Variants in KCNH1 observed in about 807,000 individuals in gnomAD.
The protein encoded by KCNH1 is voltage-gated delayed rectifier potassium channel KCNH1.
KCNH1 carries 27 observed loss-of-function variants against 69.2 expected under a neutral mutation model. That is an observed-to-expected ratio of 0.39 (90% CI 0.29 to 0.54). The LOEUF is 0.54. Among genes scored for constraint, KCNH1 ranks in the 20% least tolerant of loss-of-function variants. KCNH1 has a pLI of 0.68. For synonymous variants in KCNH1, 456 were observed against 487.7 expected (o/e 0.93, Z 0.86); for missense variants, 798 against 1,261.6 (o/e 0.63, Z 5.57).
intron 5 of KCNH1, among the ~76,000 whole-genome samples, chr1:211,041,573 A>G (rs1205232843): frequency 1.3e-5 from 2 of 152,162 alleles, no homozygotes; most frequent in African/African-American, 4.8e-5. Context: ...TTCACATATC[A>G]TACATCAACT....
At chr1:210,684,444 C>T (rs1681363417) in intron 10 of KCNH1, among the ~76,000 whole-genome samples, 1 of 152,220 alleles carries the variant, frequency 6.6e-6, no homozygotes, top group East Asian at 1.9e-4. Context: ...ATCCAAAGAG[C>T]ATCTTCCCAG....
intron 1 of KCNH1, among the ~76,000 whole-genome samples, chr1:211,117,950 G>A (rs1691612240): frequency 6.6e-6 from 1 of 152,128 alleles, no homozygotes; most frequent in African/African-American, 2.4e-5. Context: ...TCTAAATGCT[G>A]GACTCTGTGC....
chr1:210,806,814 A>T (rs1329448667), intron 7 of KCNH1, among the ~76,000 whole-genome samples: 1,113 of 6,010 alleles, frequency 0.19, 86 homozygotes, highest in Non-Finnish European at 0.28. Flanking sequence ...TACCAAAAAA[A>T]AAAAAAAAAA....
At chr1:211,005,006 C>T (rs1033505807) in intron 6 of KCNH1, among the ~76,000 whole-genome samples, 6 of 151,782 alleles carry the variant, frequency 4.0e-5, no homozygotes, top group Admixed American at 3.9e-4. Flanking sequence ...ATTGGCAATA[C>T]TGATTGTAGA....
intron 6 of KCNH1, among the ~76,000 whole-genome samples, chr1:211,015,636 T>C (rs1367529960): frequency 6.6e-6 from 1 of 152,240 alleles, no homozygotes; most frequent in Non-Finnish European, 1.5e-5. Flanking sequence ...CACCAGACTT[T>C]AGCTCTTGGA....
chr1:210,847,418 A>T (rs1685581468), intron 7 of KCNH1, among the ~76,000 whole-genome samples: 1 of 152,334 alleles, frequency 6.6e-6, no homozygotes, highest in African/African-American at 2.4e-5. Flanking sequence ...TGATGAGTTC[A>T]TGTCCTTTGT....
intron 7 of KCNH1, among the ~76,000 whole-genome samples, chr1:210,901,642 A>C (rs1686997600): frequency 6.6e-6 from 1 of 152,196 alleles, no homozygotes; most frequent in African/African-American, 2.4e-5. Context: ...GCAGAAAAAA[A>C]GGGAAAAGGT....
intron 3 of KCNH1, among the ~76,000 whole-genome samples, chr1:211,101,498 G>T (rs558781101): frequency 1.3e-5 from 2 of 152,214 alleles, no homozygotes; most frequent in Admixed American, 6.5e-5. Context: ...TACAAATTTA[G>T]CCTTGTCCAG....
At chr1:210,917,132 T>TGA (rs1687350507) in intron 7 of KCNH1, among the ~76,000 whole-genome samples, 2 of 143,526 alleles carry the variant, frequency 1.4e-5, no homozygotes, top group South Asian at 4.5e-4. Context: ...GGCAACAGAG[T>TGA]GAGACTGTGT....
intron 6 of KCNH1, among the ~76,000 whole-genome samples, chr1:210,993,258 A>G (rs1031168502): frequency 6.6e-6 from 1 of 152,204 alleles, no homozygotes; most frequent in Non-Finnish European, 1.5e-5. Context: ...TTTCCAAGGG[A>G]CTTTTCCTGA....
At chr1:210,880,209 T>A (rs1686465842) in intron 7 of KCNH1, among the ~76,000 whole-genome samples, 1 of 152,102 alleles carries the variant, frequency 6.6e-6, no homozygotes, top group Non-Finnish European at 1.5e-5. Flanking sequence ...AAATTCCAAG[T>A]GAGTTATTCT....
chr1:210,841,152 T>C (rs1376362781), intron 7 of KCNH1, among the ~76,000 whole-genome samples: 1 of 152,192 alleles, frequency 6.6e-6, no homozygotes, highest in Non-Finnish European at 1.5e-5. Flanking sequence ...AAATACCCTT[T>C]AACTATTTAA....
intron 6 of KCNH1, among the ~76,000 whole-genome samples, chr1:210,965,926 G>C (rs889478612): frequency 9.9e-5 from 15 of 152,022 alleles, no homozygotes; most frequent in African/African-American, 3.1e-4. Flanking sequence ...ACATAACCAA[G>C]ATAATCCTAA....
At chr1:210,853,953 A>AAAAAAAAAAC (rs781429306) in intron 7 of KCNH1, among the ~76,000 whole-genome samples, 6,945 of 140,892 alleles carry the variant, frequency 0.049, 300 homozygotes, top group Non-Finnish European at 0.064. Flanking sequence ...AGCCAAAAAA[A>AAAAAAAAAAC]AAAAAAAAAA....
At chr1:210,901,262 C>T (rs1450648927) in intron 7 of KCNH1, among the ~76,000 whole-genome samples, 1 of 152,168 alleles carries the variant, frequency 6.6e-6, no homozygotes, top group Non-Finnish European at 1.5e-5. Flanking sequence ...CCTACCACAG[C>T]CAATTCATCA....
rs535679149 is a variant in KCNH1, at chr1:210,814,295, C to T, written c.1463-10129G>A. Among the ~76,000 whole-genome samples, 4 of 152,112 alleles carry T rather than the reference C, an allele frequency of 2.6e-5. No homozygotes were observed. The South Asian group carries it at 8.3e-4, about 32-fold the overall frequency. ...TTTCTTTGTATATAATAAATAATTACCTTATATTTTTTAATAAGTGGGATA... is the reference window on the plus strand; with the variant it reads ...TTTCTTTGTATATAATAAATAATTATCTTATATTTTTTAATAAGTGGGATA... On this transcript the variant is annotated intron_variant, in intron 7 of 10. Coordinates refer to ENST00000271751, the MANE Select transcript of KCNH1 (RefSeq NM_172362.3).
chr1:210,712,700 G>C (rs1289528905), intron 10 of KCNH1, among the ~76,000 whole-genome samples: 4 of 152,186 alleles, frequency 2.6e-5, no homozygotes, highest in Admixed American at 2.6e-4. Flanking sequence ...ACCTATTCAA[G>C]AGTTTCACCT....
chr1:210,959,633 C>G (rs1688255708), intron 6 of KCNH1, among the ~76,000 whole-genome samples: 1 of 152,244 alleles, frequency 6.6e-6, no homozygotes, highest in Non-Finnish European at 1.5e-5. Flanking sequence ...CATGCCCCCA[C>G]AGGCTGCAGC....
chr1:210,994,651 G>C (rs890915772), intron 6 of KCNH1, among the ~76,000 whole-genome samples: 2 of 152,144 alleles, frequency 1.3e-5, no homozygotes, highest in Non-Finnish European at 2.9e-5. Flanking sequence ...AAACATAATT[G>C]TAATCGTTTA....
Sources: allele counts gnomAD v4.1 joint callset (sites outside exome capture counted in the v4.1 genomes callset), GRCh38; gene constraint gnomAD v4.1.1; transcripts MANE v1.5; gene names NCBI Gene and HGNC (gene_info 2026-07-23, HGNC 2026-07-21).